TMEM131: variants seen among roughly 807,000 people sequenced by gnomAD.
The protein encoded by TMEM131 is 2610524E03Rik.
In TMEM131, 66 loss-of-function variants were observed where a neutral mutation model predicts 211.6. The ratio of observed to expected loss-of-function variants is 0.31; its 90% confidence interval spans 0.26 to 0.38. TMEM131 has a LOEUF of 0.38. Among genes scored for constraint, TMEM131 ranks in the 10% least tolerant of loss-of-function variants. The pLI is 1.00. For missense variants in TMEM131, 2,036 were observed against 2,299.3 expected, an observed-to-expected ratio of 0.89 and a Z score of 2.34; for synonymous variants, 844 against 841.3, an observed-to-expected ratio of 1.00 and a Z score of -0.06.
chr2:97,849,905 TA>T (rs1401424569), intron 5 of TMEM131, among the ~76,000 whole-genome samples: 2 of 152,156 alleles, frequency 1.3e-5, no homozygotes, highest in East Asian at 3.9e-4. Flanking sequence ...AAATTAACTT[TA>T]AAACAACAAA....
At chr2:97,823,548 T>C (rs899614517) in intron 11 of TMEM131, among the ~76,000 whole-genome samples, 1 of 152,068 alleles carries the variant, frequency 6.6e-6, no homozygotes, top group Non-Finnish European at 1.5e-5. Flanking sequence ...GCCAAGTAAA[T>C]GATAGAATGA....
At chr2:97,768,158 C>T (rs1170584906) in intron 33 of TMEM131, among the ~76,000 whole-genome samples, 3 of 152,088 alleles carry the variant, frequency 2.0e-5, no homozygotes, top group African/African-American at 7.2e-5. Flanking sequence ...AACCAAAAAG[C>T]CAAAGGGTTT....
At chr2:97,872,486 G>A (rs11681535) in intron 4 of TMEM131, among the ~76,000 whole-genome samples, 3 of 152,010 alleles carry the variant, frequency 2.0e-5, no homozygotes, top group South Asian at 2.1e-4. Context: ...CAAGATGGCC[G>A]AACAGGAACA....
At chr2:97,776,185 C>T (rs1679718629) in intron 31 of TMEM131, among the ~76,000 whole-genome samples, 167 bp from the exon 32 acceptor site, 1 of 152,112 alleles carries the variant, frequency 6.6e-6, no homozygotes, top group Admixed American at 6.5e-5. Context: ...TCCTGAGTAG[C>T]TGGGACTACA....
At chr2:97,812,394 T>A in intron 17 of TMEM131, 27 bp downstream of exon 17, 1 of 1,587,576 alleles carries the variant, frequency 6.3e-7, no homozygotes, top group Non-Finnish European at 8.5e-7. Context: ...CATCTTACTT[T>A]AAGGAGACAA....
intron 17 of TMEM131, among the ~76,000 whole-genome samples, 198 bp downstream of exon 17, chr2:97,812,223 C>A (rs1472785453): frequency 1.3e-5 from 2 of 152,130 alleles, no homozygotes; most frequent in African/African-American, 2.4e-5. Context: ...CAGAATTAAA[C>A]CCCTTTGGGT....
intron 4 of TMEM131, among the ~76,000 whole-genome samples, chr2:97,879,518 T>G (rs1229885580): frequency 6.6e-6 from 1 of 152,206 alleles, no homozygotes; most frequent in Non-Finnish European, 1.5e-5. Context: ...ACAATGTCAA[T>G]AATGGTACTG....
intron 25 of TMEM131, among the ~76,000 whole-genome samples, chr2:97,798,116 C>T (rs931002311): frequency 3.3e-5 from 5 of 152,258 alleles, no homozygotes; most frequent in Non-Finnish European, 5.9e-5. Flanking sequence ...TTGAAGGTTA[C>T]ACACGCTTAC....
intron 1 of TMEM131, among the ~76,000 whole-genome samples, chr2:97,962,487 G>A (rs1678864662): frequency 2.0e-5 from 3 of 152,274 alleles, no homozygotes; most frequent in Admixed American, 6.5e-5. Flanking sequence ...CTGGGCAACA[G>A]AGTGAGACTC....
chr2:97,875,250 C>T (rs1399628685), intron 4 of TMEM131, among the ~76,000 whole-genome samples: 1 of 152,184 alleles, frequency 6.6e-6, no homozygotes, highest in African/African-American at 2.4e-5. Context: ...GACTTAAACT[C>T]CCACACAATC....
chr2:97,977,818 T>A lies in TMEM131; in HGVS notation c.187+17658A>T, dbSNP rs537472899. On this transcript the variant is annotated intron_variant, in intron 1 of 40. Coordinates refer to ENST00000186436, the MANE Select transcript of TMEM131 (RefSeq NM_015348.2). ...TGAAACAGCAATGGGCCAGGCGTGGTGGCTCATGCCTATAATCCCAGCACT... is the reference window on the plus strand; with the variant it reads ...TGAAACAGCAATGGGCCAGGCGTGGAGGCTCATGCCTATAATCCCAGCACT... Among the ~76,000 whole-genome samples, 8 of 152,262 alleles carry A rather than the reference T, an allele frequency of 5.3e-5. No individual in the cohort carries two copies. The South Asian group carries it at 1.7e-3, about 32-fold the overall frequency.
At chr2:97,858,124 G>C (rs1403484164) in intron 5 of TMEM131, among the ~76,000 whole-genome samples, 2 of 152,106 alleles carry the variant, frequency 1.3e-5, no homozygotes, top group African/African-American at 4.8e-5. Context: ...TTAGAGAGGA[G>C]AAATGTAAAC....
At chr2:97,878,886 C>A (rs1010291443) in intron 4 of TMEM131, among the ~76,000 whole-genome samples, 4 of 151,960 alleles carry the variant, frequency 2.6e-5, no homozygotes, top group African/African-American at 4.8e-5. Flanking sequence ...AACAAAAAAA[C>A]CAATCTAGTC....
rs1486068864 is a variant in TMEM131 at position 97,867,224 on chromosome 2, T to C, written c.360-7797A>G. Among the ~76,000 whole-genome samples the C allele has an allele frequency of 2.0e-5, 3 of 152,332 alleles. No homozygotes were observed. The East Asian group carries it at 5.8e-4, about 29-fold the overall frequency. On this transcript the variant is annotated intron_variant, in intron 4 of 40. Transcript: ENST00000186436. Reference sequence around the variant, plus strand: ...AGTTGGTTTATACTTTTTCCAAGTCTTCTATATCTTTATCTTCTGCCTAGA... The same window carrying C: ...AGTTGGTTTATACTTTTTCCAAGTCCTCTATATCTTTATCTTCTGCCTAGA...
chr2:97,851,995 T>C (rs1559401497), intron 5 of TMEM131, among the ~76,000 whole-genome samples: 2 of 152,196 alleles, frequency 1.3e-5, no homozygotes, highest in Non-Finnish European at 2.9e-5. Flanking sequence ...GCTAGGCCTT[T>C]AGTGCCAAAC....
chr2:97,950,920 T>G (rs1350531540), intron 1 of TMEM131, among the ~76,000 whole-genome samples: 1 of 152,100 alleles, frequency 6.6e-6, no homozygotes, highest in African/African-American at 2.4e-5. Context: ...ATAGCCTAAA[T>G]TTGCAGTAAA....
intron 1 of TMEM131, among the ~76,000 whole-genome samples, chr2:97,945,980 G>A (rs1452990477): frequency 6.6e-6 from 1 of 152,100 alleles, no homozygotes; most frequent in Admixed American, 6.5e-5. Flanking sequence ...ACATGCTGCT[G>A]ACATGTCTGT....
rs1680489810 is a variant in TMEM131, at chr2:97,995,829, T to C, written c.-167A>G. 1.6e-5 allele frequency: 5 copies of C among 321,206 alleles called. No individual in the cohort carries two copies. The highest frequency in any genetic ancestry group is 2.6e-5 in the Non-Finnish European group (5 of 192,788). The allele number at this position is 321,206 out of a possible 1,614,324, so 19.9% of individuals were successfully genotyped here. On this transcript the variant is annotated 5_prime_UTR_variant, in exon 1 of 41. Transcript: ENST00000186436. ...GCGTGGGCCTGGGTCCGTGCGTGCG[T>C]GTGAGCGAGAGTGTCAGTCACGGTC...
intron 1 of TMEM131, among the ~76,000 whole-genome samples, chr2:97,969,944 T>A (rs1254287393): frequency 1.3e-5 from 2 of 152,172 alleles, no homozygotes; most frequent in African/African-American, 4.8e-5. Flanking sequence ...CCCAGGAAGG[T>A]CAAAGTTAGT....
Sources: gnomAD v4.1 joint callset for allele counts (sites outside exome capture counted in the v4.1 genomes callset) on GRCh38, gnomAD v4.1.1 for gene constraint, MANE v1.5 for transcripts, NCBI Gene and HGNC (gene_info 2026-07-23, HGNC 2026-07-21) for gene names.